SLC12A8: variants seen among roughly 807,000 people sequenced by gnomAD.
SLC12A8 encodes solute carrier family 12 member 8.
Under a neutral mutation model 75.6 loss-of-function variants are expected in SLC12A8, and 69 were observed. That is an observed-to-expected ratio of 0.91 (90% confidence interval 0.75 to 1.11). The LOEUF (loss-of-function observed/expected upper bound fraction) is 1.11. Ranked by LOEUF, SLC12A8 falls within the 50% of genes most tolerant of loss-of-function variation. The probability of loss-of-function intolerance (pLI) is 0.00; values close to 1 mark genes in which losing one functional copy is unlikely to be tolerated. For missense variants in SLC12A8, 877 were observed against 896.7 expected (o/e 0.98, Z 0.28); for synonymous variants, 365 against 372.8 (o/e 0.98, Z 0.24).
chr3:125,165,769 C>T (rs541566792), intron 5 of SLC12A8, among the ~76,000 whole-genome samples: 55 of 152,190 alleles, frequency 3.6e-4, no homozygotes, highest in African/African-American at 1.3e-3. Context: ...AGGCCAGCAC[C>T]GTGCATCCTA....
intron 2 of SLC12A8, among the ~76,000 whole-genome samples, chr3:125,208,129 GACAGAGGCC>G (rs1935260472): frequency 6.6e-6 from 1 of 152,334 alleles, no homozygotes; most frequent in South Asian, 2.1e-4. Context: ...AGTGCCTCCA[GACAGAGGCC>G]CCTGGAACAA....
chr3:125,190,227 C>A, intron 3 of SLC12A8, 148 bp downstream of exon 3: 1 of 813,062 alleles, frequency 1.2e-6, no homozygotes, highest in Non-Finnish European at 2.0e-6. Context: ...ACAAGCAATG[C>A]TAGCTATTCA....
chr3:125,179,993 T>A (rs1344270490), intron 4 of SLC12A8, among the ~76,000 whole-genome samples: 1 of 152,176 alleles, frequency 6.6e-6, no homozygotes, highest in East Asian at 1.9e-4. Context: ...CAGAGGATGA[T>A]GCCATGGGAC....
At chr3:125,104,003 TAAA>T (rs57011863) in intron 10 of SLC12A8, among the ~76,000 whole-genome samples, 13 of 135,540 alleles carry the variant, frequency 9.6e-5, no homozygotes, top group African/African-American at 1.9e-4. Context: ...CTCCAAGATT[TAAA>T]AAAAAAAAAA....
chr3:125,156,520 T>A (rs1934054554), intron 5 of SLC12A8, among the ~76,000 whole-genome samples: 1 of 152,236 alleles, frequency 6.6e-6, no homozygotes, highest in Non-Finnish European at 1.5e-5. Flanking sequence ...ATCAAAGTTC[T>A]CATTGGTTAA....
intron 9 of SLC12A8, among the ~76,000 whole-genome samples, chr3:125,108,778 T>C (rs1939106677): frequency 6.6e-6 from 1 of 152,164 alleles, no homozygotes; most frequent in Admixed American, 6.5e-5. Flanking sequence ...ATCAAAGAAA[T>C]GCAAAGTTGA....
At chr3:125,118,698 C>T in intron 8 of SLC12A8, 71 bp downstream of exon 8, 2 of 1,076,986 alleles carry the variant, frequency 1.9e-6, no homozygotes, top group Non-Finnish European at 2.8e-6. Context: ...GGGAAGGTGG[C>T]CATTTGTTGG....
At chr3:125,112,912 G>T (rs1375897716) in intron 8 of SLC12A8, among the ~76,000 whole-genome samples, 2 of 152,204 alleles carry the variant, frequency 1.3e-5, no homozygotes, top group African/African-American at 2.4e-5. Context: ...CCGATGTGGA[G>T]AACCCCTGGG....
At chr3:125,136,116 C>A (rs1196964352) in intron 5 of SLC12A8, among the ~76,000 whole-genome samples, 2 of 152,192 alleles carry the variant, frequency 1.3e-5, no homozygotes, top group Admixed American at 6.5e-5. Context: ...TGTTTGTTTT[C>A]CATTTAAAAA....
intron 5 of SLC12A8, among the ~76,000 whole-genome samples, chr3:125,144,901 C>T (rs1258940992): frequency 6.6e-6 from 1 of 152,142 alleles, no homozygotes; most frequent in African/African-American, 2.4e-5. Context: ...AGCAGAGCCC[C>T]CCTCCTGCCA....
intron 4 of SLC12A8, among the ~76,000 whole-genome samples, chr3:125,183,957 T>C (rs940412837): frequency 6.8e-6 from 1 of 147,722 alleles, no homozygotes; most frequent in Non-Finnish European, 1.5e-5. Context: ...CAAGCTTTTG[T>C]TTTACTTTTT....
At chr3:125,183,325 T>C (rs1160888748) in intron 4 of SLC12A8, among the ~76,000 whole-genome samples, 1 of 152,192 alleles carries the variant, frequency 6.6e-6, no homozygotes, top group Non-Finnish European at 1.5e-5. Flanking sequence ...CCTTTTCTTT[T>C]TCATTCTCCA....
chr3:125,152,522 T>G (rs893369671), intron 5 of SLC12A8, among the ~76,000 whole-genome samples: 1 of 152,186 alleles, frequency 6.6e-6, no homozygotes, highest in Admixed American at 6.5e-5. Flanking sequence ...AGGAAGAAGT[T>G]TAACAGAAGA....
At chr3:125,103,641 A>C (rs1201226074) in intron 10 of SLC12A8, among the ~76,000 whole-genome samples, 1 of 151,592 alleles carries the variant, frequency 6.6e-6, no homozygotes. Context: ...ATTGAAAAAA[A>C]ATTTTTGTAG....
intron 10 of SLC12A8, among the ~76,000 whole-genome samples, chr3:125,098,913 G>C (rs1409349903): frequency 6.6e-6 from 1 of 152,216 alleles, no homozygotes; most frequent in African/African-American, 2.4e-5. Flanking sequence ...TGCAGACCCA[G>C]CTAGGGTGAG....
chr3:125,189,605 G>C (rs1408287747), intron 3 of SLC12A8, among the ~76,000 whole-genome samples: 1 of 152,228 alleles, frequency 6.6e-6, no homozygotes, highest in African/African-American at 2.4e-5. Context: ...TGAGGGCCCA[G>C]GCCATGTCTT....
chr3:125,120,689 G>A lies in SLC12A8; in HGVS notation c.737-3C>T, dbSNP rs549522352. The A allele has an allele frequency of 3.7e-6, 6 of 1,612,700 alleles. No homozygotes were observed. Among genetic ancestry groups the A allele is most frequent in the Non-Finnish European group, 1.7e-6 (2 of 1,179,042 alleles). On this transcript the variant is annotated splice_polypyrimidine_tract_variant and splice_region_variant and intron_variant, in intron 6 of 13. Coordinates refer to ENST00000469902, the MANE Select transcript of SLC12A8 (RefSeq NM_024628.6). ...CATGTTGAAGCCGGCCATGACTCCTGAAAGACACCCAGATGGGGAATGGGG... is the reference window on the plus strand; with the variant it reads ...CATGTTGAAGCCGGCCATGACTCCTAAAAGACACCCAGATGGGGAATGGGG...
At chr3:125,091,393 G>A (rs753661804) in intron 12 of SLC12A8, 46 bp downstream of exon 12, 24 of 1,248,202 alleles carry the variant, frequency 1.9e-5, no homozygotes, top group Admixed American at 6.7e-5. Context: ...CCAATGAATG[G>A]TAGAGAGAAT....
intron 2 of SLC12A8, among the ~76,000 whole-genome samples, chr3:125,195,178 T>C (rs1934983623): frequency 6.6e-6 from 1 of 152,276 alleles, no homozygotes; most frequent in Non-Finnish European, 1.5e-5. Context: ...GTCTTTTGAC[T>C]GCATTTGCTG....
Sources: gnomAD v4.1 joint callset for allele counts (sites outside exome capture counted in the v4.1 genomes callset) on GRCh38, gnomAD v4.1.1 for gene constraint, MANE v1.5 for transcripts, NCBI Gene and HGNC (gene_info 2026-07-23, HGNC 2026-07-21) for gene names.